Variants in KDM4C observed in about 807,000 individuals in gnomAD.
KDM4C encodes the protein lysine demethylase 4C.
KDM4C carries 81 observed loss-of-function variants against 129.3 expected under a neutral mutation model. The observed-to-expected ratio is 0.63, with a 90% CI of 0.52 to 0.75. The LOEUF (loss-of-function observed/expected upper bound fraction) is 0.75, where lower values mean the gene tolerates loss of function less well. KDM4C is among the 30% of genes least tolerant of loss of function. The probability of loss-of-function intolerance (pLI) is 0.00; values close to 1 mark genes in which losing one functional copy is unlikely to be tolerated. For missense variants in KDM4C, 1,457 were observed against 1,304.0 expected, an observed-to-expected ratio of 1.12 and a Z score of -1.81; for synonymous variants, 573 against 456.1, an observed-to-expected ratio of 1.26 and a Z score of -3.26.
chr9:6,772,912 T>A (rs1351426331), intron 1 of KDM4C, among the ~76,000 whole-genome samples: 1 of 150,832 alleles, frequency 6.6e-6, no homozygotes, highest in Non-Finnish European at 1.5e-5. Context: ...GCCAGGCTGG[T>A]CCCGAACTCT....
intron 17 of KDM4C, among the ~76,000 whole-genome samples, chr9:7,073,179 C>G (rs143169674): frequency 2.2e-3 from 329 of 152,276 alleles, no homozygotes; most frequent in African/African-American, 7.5e-3. Flanking sequence ...TGGCATAGAT[C>G]TACCTCCATT....
At position 7,011,719 on chromosome 9, in the gene KDM4C, T is replaced by C. The variant is rs34369202; in HGVS notation, c.1808T>C (p.Ile603Thr). ...TAAGAATTGCCTGAGGTTCTGTCCA[T>C]TGAGGAGGAAGTGGAAGAAACAGAG... ...SDEELPEVLS[I>T]EEEVEETESW... The change falls in exon 13 of 22, where the codon ATT becomes ACT. Residue 603 changes from isoleucine (I) to threonine (T), a missense_variant. Transcript: ENST00000381309. The C allele has an allele frequency of 1.2e-3, 2,012 of 1,614,120 alleles. 6 individuals are homozygous for C. Among genetic ancestry groups the C allele is most frequent in the South Asian group, 3.2e-3 (294 of 91,076 alleles).
chr9:6,791,222 C>T (rs1027132435), intron 1 of KDM4C, among the ~76,000 whole-genome samples: 1 of 152,186 alleles, frequency 6.6e-6, no homozygotes. Flanking sequence ...AGTGATTTTC[C>T]TGCCTCAGTC....
At chr9:6,833,949 T>C (rs1835369921) in intron 4 of KDM4C, among the ~76,000 whole-genome samples, 1 of 152,050 alleles carries the variant, frequency 6.6e-6, no homozygotes, top group Admixed American at 6.6e-5. Flanking sequence ...CTGTCGTTTT[T>C]GAGAAATATA....
At chr9:6,730,164 G>A (rs917688890) in intron 1 of KDM4C, among the ~76,000 whole-genome samples, 1 of 152,002 alleles carries the variant, frequency 6.6e-6, no homozygotes, top group Non-Finnish European at 1.5e-5. Context: ...TGGCCATGAG[G>A]CCTTGCAGCA....
chr9:7,014,623 A>G (rs980379605), intron 14 of KDM4C, among the ~76,000 whole-genome samples: 7 of 152,304 alleles, frequency 4.6e-5, no homozygotes, highest in African/African-American at 1.2e-4. Context: ...CTCATATAAT[A>G]CAACTCTATT....
intron 15 of KDM4C, among the ~76,000 whole-genome samples, chr9:7,045,188 G>C (rs1829215347): frequency 1.3e-5 from 2 of 151,978 alleles, no homozygotes; most frequent in African/African-American, 4.8e-5. Flanking sequence ...ATCCTAATCA[G>C]GTGCTTTTGA....
chr9:7,128,815 G>T (rs951565432), intron 19 of KDM4C, among the ~76,000 whole-genome samples: 1 of 152,080 alleles, frequency 6.6e-6, no homozygotes, highest in African/African-American at 2.4e-5. Context: ...TGGCTGTCTT[G>T]TTGGTCTGTC....
intron 18 of KDM4C, among the ~76,000 whole-genome samples, chr9:7,121,248 G>A (rs1266013750): frequency 6.6e-6 from 1 of 152,110 alleles, no homozygotes; most frequent in East Asian, 1.9e-4. Context: ...ATGCATCTGT[G>A]GTCAGCTGCA....
chr9:7,150,202 C>T (rs1039967039), intron 19 of KDM4C, among the ~76,000 whole-genome samples: 1 of 152,248 alleles, frequency 6.6e-6, no homozygotes, highest in African/African-American at 2.4e-5. Flanking sequence ...GAGCCGCCCT[C>T]TGGCTTCTCC....
intron 17 of KDM4C, among the ~76,000 whole-genome samples, chr9:7,051,242 G>A (rs1025020907): frequency 6.6e-6 from 1 of 152,118 alleles, no homozygotes; most frequent in Non-Finnish European, 1.5e-5. Flanking sequence ...CATTTGGGGG[G>A]AAGAATGTCT....
chr9:6,877,109 T>G, intron 5 of KDM4C, among the ~76,000 whole-genome samples: 1 of 152,162 alleles, frequency 6.6e-6, no homozygotes, highest in East Asian at 1.9e-4. Context: ...CTGTCCTTCA[T>G]TCTCCCAGGT....
intron 1 of KDM4C, among the ~76,000 whole-genome samples, chr9:6,781,970 G>A (rs564091154): frequency 5.0e-4 from 76 of 152,050 alleles, no homozygotes; most frequent in African/African-American, 1.7e-3. Context: ...GATTACGGGT[G>A]CCTGCCACCA....
intron 17 of KDM4C, among the ~76,000 whole-genome samples, chr9:7,080,464 C>T (rs925363284): frequency 2.0e-5 from 3 of 152,172 alleles, no homozygotes; most frequent in African/African-American, 7.2e-5. Flanking sequence ...CTGTCTTTTA[C>T]TCACTGTTGA....
chr9:6,828,326 T>G (rs1225978341), intron 4 of KDM4C, among the ~76,000 whole-genome samples: 1 of 152,040 alleles, frequency 6.6e-6, no homozygotes, highest in Non-Finnish European at 1.5e-5. Flanking sequence ...TTTTTGTATT[T>G]TTAGTAGAGA....
intron 8 of KDM4C, among the ~76,000 whole-genome samples, chr9:6,933,234 T>TTAG (rs1824091851): frequency 6.6e-6 from 1 of 152,228 alleles, no homozygotes; most frequent in Admixed American, 6.5e-5. Context: ...TCAAAAGCCT[T>TTAG]TAGTAGAATC....
chr9:6,734,288 G>GTTTT (rs57329090), intron 1 of KDM4C, among the ~76,000 whole-genome samples: 9 of 110,296 alleles, frequency 8.2e-5, no homozygotes, highest in Non-Finnish European at 1.6e-4. Context: ...CCCATGTTTG[G>GTTTT]TTTTTTTTTT....
chr9:6,730,719 G>A (rs1276724229), intron 1 of KDM4C, among the ~76,000 whole-genome samples: 1 of 152,126 alleles, frequency 6.6e-6, no homozygotes. Context: ...AGACTCCAGG[G>A]ATGCCTCATG....
At chr9:7,063,100 A>G (rs1273153965) in intron 17 of KDM4C, among the ~76,000 whole-genome samples, 1 of 152,238 alleles carries the variant, frequency 6.6e-6, no homozygotes, top group Non-Finnish European at 1.5e-5. Flanking sequence ...TAGCATTAGC[A>G]AAAAATAGAA....
Sources: allele counts gnomAD v4.1 joint callset (sites outside exome capture counted in the v4.1 genomes callset), GRCh38; gene constraint gnomAD v4.1.1; transcripts MANE v1.5; gene names NCBI Gene and HGNC (gene_info 2026-07-23, HGNC 2026-07-21).